FAM91A1: variants seen among roughly 807,000 people sequenced by gnomAD.
FAM91A1 encodes protein FAM91A1.
FAM91A1 carries 41 observed loss-of-function variants against 113.5 expected under a neutral mutation model. The ratio of observed to expected loss-of-function variants is 0.36; its 90% CI spans 0.28 to 0.47. The LOEUF (loss-of-function observed/expected upper bound fraction) is 0.47. Ranked by LOEUF, FAM91A1 falls within the 20% of genes least tolerant of loss-of-function variation. The probability of loss-of-function intolerance (pLI) is 1.00; values close to 1 mark genes in which losing one functional copy is unlikely to be tolerated. For synonymous variants in FAM91A1, 307 were observed against 347.9 expected (o/e 0.88, Z 1.31); for missense variants, 696 against 1,001.2 (o/e 0.70, Z 4.11).
rs1563652148 is a variant in FAM91A1 at position 123,813,540 on chromosome 8, G to A, written c.*836G>A. 6.6e-6 allele frequency: 1 copy of A among 152,420 alleles called. No homozygotes were observed. The highest frequency in any genetic ancestry group is 1.5e-5 in the Non-Finnish European group (1 of 67,984). The allele number at this position is 152,420 out of a possible 1,614,324, so 9.4% of individuals were successfully genotyped here. ...CTTAGCTTTGATGTTTTCAAACCAA[G>A]GATTGTGATTTTAGGTTAGAATTAC... On this transcript the variant is annotated 3_prime_UTR_variant, in exon 24 of 24. Coordinates refer to ENST00000334705, the MANE Select transcript of FAM91A1 (RefSeq NM_144963.4).
At chr8:123,786,711 T>C in intron 12 of FAM91A1, 101 bp downstream of exon 12, 2 of 909,226 alleles carry the variant, frequency 2.2e-6, no homozygotes, top group Non-Finnish European at 3.6e-6. Context: ...TTAGATTTTA[T>C]TCAATACGCA....
intron 9 of FAM91A1, chr8:123,784,864 G>A (rs1413985142): frequency 4.7e-6 from 2 of 426,210 alleles, no homozygotes; most frequent in Non-Finnish European, 8.2e-6. Context: ...AAATTAAAGA[G>A]TAAGGAATCT....
intron 16 of FAM91A1, 133 bp from the exon 17 acceptor site, chr8:123,799,387 A>G (rs1815620895): frequency 5.2e-6 from 4 of 770,894 alleles, no homozygotes; most frequent in Middle Eastern, 3.9e-4. Flanking sequence ...TTTTAATGAA[A>G]CATTTAAAGT....
intron 23 of FAM91A1, chr8:123,810,956 T>TA (rs1815940100): frequency 6.6e-6 from 1 of 152,452 alleles, no homozygotes; most frequent in Admixed American, 6.5e-5. Flanking sequence ...TAATGGAACT[T>TA]AGAGAATGTT....
chr8:123,810,310 A>C lies in FAM91A1; in HGVS notation c.2290A>C (p.Lys764Gln). 6.2e-7 allele frequency: 1 copy of C among 1,612,736 alleles called. No individual in the cohort carries two copies. Among genetic ancestry groups the C allele is most frequent in the Non-Finnish European group, 8.5e-7 (1 of 1,179,550 alleles). Residue 764 changes from lysine to glutamine, a missense_variant, in exon 23 of 24, where the codon AAA becomes CAA. Transcript: ENST00000334705. ...SLQNLLHSSRKLSLQVLNFVH... is the reference protein window; with the variant it reads ...SLQNLLHSSRQLSLQVLNFVH... The stretch of plus-strand genomic sequence containing the variant: ...TCAAAACCTCTTACATTCCAGTAGA[A>C]AACTCTCTCTGCAAGTCCTTAACTT...
intron 8 of FAM91A1, among the ~76,000 whole-genome samples, chr8:123,781,955 T>C (rs1301860563): frequency 2.0e-5 from 3 of 152,172 alleles, no homozygotes; most frequent in Non-Finnish European, 4.4e-5. Flanking sequence ...AGTTGGAAAA[T>C]ATGAAAGTAT....
At chr8:123,784,920 G>C (rs1815216157) in intron 9 of FAM91A1, 161 bp from the exon 10 acceptor site, 1 of 522,902 alleles carries the variant, frequency 1.9e-6, no homozygotes, top group African/African-American at 2.0e-5. Context: ...AAGGATCTTA[G>C]AGATAGGGAA....
At chr8:123,771,420 G>T (rs1814834407) in intron 1 of FAM91A1, among the ~76,000 whole-genome samples, 1 of 152,134 alleles carries the variant, frequency 6.6e-6, no homozygotes, top group Non-Finnish European at 1.5e-5. Context: ...GTTTTGATGG[G>T]TTTACCTTGA....
intron 18 of FAM91A1, among the ~76,000 whole-genome samples, chr8:123,804,647 A>T (rs1815762839): frequency 1.3e-5 from 2 of 152,038 alleles, no homozygotes; most frequent in Non-Finnish European, 2.9e-5. Flanking sequence ...GTCTTTATGC[A>T]TATGCAAGTA....
At chr8:123,781,780 C>T (rs987651420) in intron 8 of FAM91A1, among the ~76,000 whole-genome samples, 13 of 152,090 alleles carry the variant, frequency 8.5e-5, no homozygotes, top group African/African-American at 2.9e-4. Flanking sequence ...CCACCATGCC[C>T]GGCCTGCATC....
chr8:123,803,636 T>G (rs141706530), intron 18 of FAM91A1, among the ~76,000 whole-genome samples: 1 of 152,198 alleles, frequency 6.6e-6, no homozygotes, highest in Admixed American at 6.5e-5. Context: ...TGTTAAGGAG[T>G]TTTGCTTTTG....
chr8:123,805,175 A>G, intron 18 of FAM91A1, 92 bp from the exon 19 acceptor site: 1 of 979,920 alleles, frequency 1.0e-6, no homozygotes, highest in Non-Finnish European at 1.5e-6. Context: ...TATGGAATAT[A>G]CCATTACATG....
At chr8:123,780,279 A>G (rs1405211933) in intron 7 of FAM91A1, among the ~76,000 whole-genome samples, 1 of 152,204 alleles carries the variant, frequency 6.6e-6, no homozygotes, top group African/African-American at 2.4e-5. Flanking sequence ...ACTGAATGAT[A>G]AGAAAAATTT....
intron 15 of FAM91A1, among the ~76,000 whole-genome samples, chr8:123,792,796 C>G (rs1487589598): frequency 6.6e-6 from 1 of 152,180 alleles, no homozygotes; most frequent in Non-Finnish European, 1.5e-5. Flanking sequence ...CAAGGACCCA[C>G]TTTTTCCCCG....
intron 1 of FAM91A1, among the ~76,000 whole-genome samples, chr8:123,773,137 A>G (rs1814894641): frequency 6.6e-6 from 1 of 152,214 alleles, no homozygotes; most frequent in Admixed American, 6.5e-5. Context: ...TTAAAATATT[A>G]CCTACCAATG....
At chr8:123,802,633 C>G (rs913056951) in intron 18 of FAM91A1, among the ~76,000 whole-genome samples, 3 of 152,152 alleles carry the variant, frequency 2.0e-5, no homozygotes, top group Admixed American at 6.5e-5. Context: ...GATTAAGTGT[C>G]AGCATCAGGT....
intron 1 of FAM91A1, 40 bp from the exon 2 acceptor site, chr8:123,774,040 G>C: frequency 6.5e-7 from 1 of 1,534,622 alleles, no homozygotes; most frequent in African/African-American, 1.4e-5. Context: ...CTATTGTTCA[G>C]TTTGGAAGTT....
In FAM91A1 at chr8:123,787,750, G is replaced by C; in HGVS notation, c.1278G>C (p.Lys426Asn). The change falls in exon 14 of 24, where the codon AAG (lysine) becomes AAC (asparagine). Residue 426 changes from lysine to asparagine, a missense_variant and splice_region_variant. Transcript: ENST00000334705. ...ACAGCTTTCTTATAGAACTAGAAAA[G>C]GTAAATGTAGATTGCATGTAAGGGG... ...SLDSFLIELE[K>N]VQSTGEGEAQ... 3 of 1,607,912 alleles carry C rather than the reference G, an allele frequency of 1.9e-6. No homozygotes were observed. The highest frequency in any genetic ancestry group is 2.5e-6 in the Non-Finnish European group (3 of 1,177,266).
At chr8:123,777,370 T>C in intron 4 of FAM91A1, 48 bp downstream of exon 4, 1 of 1,501,148 alleles carries the variant, frequency 6.7e-7, no homozygotes, top group Admixed American at 1.8e-5. Flanking sequence ...GTTGTGTCTT[T>C]GTGCATCCTG....
Sources: gnomAD v4.1 joint callset for allele counts (sites outside exome capture counted in the v4.1 genomes callset) on GRCh38, gnomAD v4.1.1 for gene constraint, MANE v1.5 for transcripts, NCBI Gene and HGNC (gene_info 2026-07-23, HGNC 2026-07-21) for gene names.